GOLM1: variants seen among roughly 807,000 people sequenced by gnomAD.
GOLM1 encodes the protein golgi membrane protein 1.
In GOLM1, 31 loss-of-function variants were observed where a neutral mutation model predicts 50.5. The observed-to-expected ratio is 0.61, with a 90% CI of 0.46 to 0.83. The LOEUF is 0.83. GOLM1 is among the 40% of genes least tolerant of loss of function. The pLI is 0.00. For missense variants in GOLM1, 491 were observed against 501.3 expected (o/e 0.98, Z 0.20); for synonymous variants, 178 against 192.8 (o/e 0.92, Z 0.64).
At position 86,051,103 on chromosome 9, in the gene GOLM1, G is replaced by C. The variant is rs189044683; in HGVS notation, c.364+1434C>G. ...GATTTCAAATAACATCCTTATTTCT[G>C]CCTTCATTTAGTTATGTACCCAGTA... On this transcript the variant is annotated intron_variant, in intron 4 of 9. Transcript: ENST00000388712. Among the ~76,000 whole-genome samples the C allele has an allele frequency of 5.1e-3, 769 of 152,038 alleles. 6 individuals are homozygous for C. The highest frequency in any genetic ancestry group is 7.1e-3 in the Non-Finnish European group (485 of 67,854).
At chr9:86,038,543 T>A (rs1047568355) in intron 6 of GOLM1, among the ~76,000 whole-genome samples, 2 of 151,850 alleles carry the variant, frequency 1.3e-5, no homozygotes, top group African/African-American at 4.8e-5. Context: ...CCCACTGGGG[T>A]AGGGAGTGGG....
rs796687010 is a variant in GOLM1 at position 86,088,584 on chromosome 9, T to TG, written c.-21-9244_-21-9243insC. ...AACTCCTGGTTTTGTTTTTTTTTTT[T>TG]TTTTGTTTTGTTTTTTTGCTTTCCG... On this transcript the variant is annotated intron_variant, in intron 1 of 9. Transcript: ENST00000388712. 5.2e-3 allele frequency among the ~76,000 whole-genome samples: 713 copies of TG among 136,154 alleles called. 25 individuals carry two copies. Among genetic ancestry groups the TG allele is most frequent in the African/African-American group, 0.017 (644 of 38,294 alleles). 89.3% of individuals were successfully genotyped at this position (136,154 alleles called of 152,430 possible).
In GOLM1 at chr9:86,079,336, G is replaced by C. The variant is rs1180504530; in HGVS notation, c.-16C>G. 6.4e-7 allele frequency: 1 copy of C among 1,572,020 alleles called. No individual in the cohort carries two copies. Among genetic ancestry groups the C allele is most frequent in the Admixed American group, 2.0e-5 (1 of 50,464 alleles). ...AGCCCATCATCTCAAAATCAGCGCT[G>C]AGAATCTGCCAAGTAAAAGCAAATA... On this transcript the variant is annotated 5_prime_UTR_variant, in exon 2 of 10. Transcript: ENST00000388712.
intron 1 of GOLM1, among the ~76,000 whole-genome samples, chr9:86,083,201 G>A (rs752286448): frequency 2.0e-5 from 3 of 152,136 alleles, no homozygotes; most frequent in Non-Finnish European, 4.4e-5. Context: ...ATATAAAATG[G>A]CATACTATGT....
At chr9:86,062,953 C>T (rs543777786) in intron 3 of GOLM1, among the ~76,000 whole-genome samples, 10 of 152,316 alleles carry the variant, frequency 6.6e-5, no homozygotes, top group African/African-American at 9.6e-5. Flanking sequence ...AAGGTCTCCT[C>T]ATCACCCAGC....
At chr9:86,093,334 G>A (rs1050183691) in intron 1 of GOLM1, among the ~76,000 whole-genome samples, 2 of 144,630 alleles carry the variant, frequency 1.4e-5, no homozygotes, top group South Asian at 2.2e-4. Context: ...CCAAGATTGC[G>A]CCACTCACTC....
At chr9:86,050,884 G>T (rs1833725065) in intron 4 of GOLM1, among the ~76,000 whole-genome samples, 1 of 152,074 alleles carries the variant, frequency 6.6e-6, no homozygotes, top group Admixed American at 6.6e-5. Flanking sequence ...TCTGATCTTA[G>T]CTATTTCTTG....
At chr9:86,045,297 G>C (rs889463028) in intron 5 of GOLM1, among the ~76,000 whole-genome samples, 24 of 152,090 alleles carry the variant, frequency 1.6e-4, no homozygotes, top group Admixed American at 5.2e-4. Flanking sequence ...GTTGCAGTGA[G>C]CTGAGATTGC....
rs148556826 is a variant in GOLM1, at chr9:86,040,808, C to T, written c.528G>A (p.Glu176=). 6.7e-5 allele frequency: 108 copies of T among 1,613,522 alleles called. No homozygotes were observed. In the African/African-American group the frequency reaches 1.2e-3, roughly 19 times the overall value. The change falls in exon 6 of 10, where the codon GAG becomes GAA. Residue 176 remains glutamate (E), a synonymous_variant. Coordinates refer to ENST00000388712, the MANE Select transcript of GOLM1 (RefSeq NM_016548.4). Reference sequence around the variant, plus strand: ...CAGCTTCATTCCCCTTTTTGGTGACCTCTTCTATTCGCTCCTCACACTGTT... The same window carrying T: ...CAGCTTCATTCCCCTTTTTGGTGACTTCTTCTATTCGCTCCTCACACTGTT... ...VKEQCEERIE[E]VTKKGNEAVA...
Position 86,027,602 on chromosome 9 carries a change from A to T in GOLM1, c.*215T>A. The T allele has an allele frequency of 7.6e-7, 1 of 1,316,180 alleles. No individual in the cohort carries two copies. Among genetic ancestry groups the T allele is most frequent in the Non-Finnish European group, 9.7e-7 (1 of 1,036,254 alleles). 81.5% of individuals were successfully genotyped at this position (1,316,180 alleles called of 1,614,324 possible). A position where few individuals can be genotyped will look rare whatever the true frequency, so the allele number is the denominator to read the frequency against. ...GAAATACCTACTACCAAAAATTGTG[A>T]CACCTTATTAGACACTTCCAAAGTA... On this transcript the variant is annotated 3_prime_UTR_variant, in exon 10 of 10. Coordinates refer to ENST00000388712, the MANE Select transcript of GOLM1 (RefSeq NM_016548.4).
At position 86,046,580 on chromosome 9, in the gene GOLM1, A is replaced by C; in HGVS notation, c.365-8T>G. The C allele has an allele frequency of 6.4e-7, 1 of 1,566,998 alleles. No homozygotes were observed. The highest frequency in any genetic ancestry group is 8.8e-7 in the Non-Finnish European group (1 of 1,140,032). ...GCAGGGTCTTTAACTGGTCTACACC[A>C]AGGGGACAAGGAATTGCACAGGTCA... On this transcript the variant is annotated splice_region_variant and splice_polypyrimidine_tract_variant and intron_variant, in intron 4 of 9. Transcript: ENST00000388712.
In GOLM1 at chr9:86,027,758, A is replaced by G. The variant is rs1832830505; in HGVS notation, c.*59T>C. The G allele has an allele frequency of 6.3e-7, 1 of 1,582,906 alleles. No individual in the cohort carries two copies. Among genetic ancestry groups the G allele is most frequent in the Non-Finnish European group, 8.6e-7 (1 of 1,165,950 alleles). On this transcript the variant is annotated 3_prime_UTR_variant, in exon 10 of 10. Coordinates refer to ENST00000388712, the MANE Select transcript of GOLM1 (RefSeq NM_016548.4). ...CACAGTTTTCAGTATTCAGTCCCTC[A>G]TGAACATTTTATAGTCATCTCTTCG...
At chr9:86,082,532 CT>C (rs986836294) in intron 1 of GOLM1, among the ~76,000 whole-genome samples, 3 of 151,888 alleles carry the variant, frequency 2.0e-5, no homozygotes, top group African/African-American at 7.3e-5. Flanking sequence ...CCCCAACTTC[CT>C]GGGCTCAAGT....
chr9:86,072,576 A>G (rs1834479497), intron 3 of GOLM1, among the ~76,000 whole-genome samples: 1 of 152,258 alleles, frequency 6.6e-6, no homozygotes, highest in African/African-American at 2.4e-5. Flanking sequence ...ACAGCTTTGA[A>G]AAATGTTCAA....
intron 6 of GOLM1, chr9:86,036,725 A>G (rs947699793): frequency 1.7e-6 from 1 of 572,082 alleles, no homozygotes; most frequent in African/African-American, 1.9e-5. Flanking sequence ...AGTACTGTCA[A>G]TACAGAATAA....
At chr9:86,095,665 G>C (rs916521923) in intron 1 of GOLM1, among the ~76,000 whole-genome samples, 1 of 152,226 alleles carries the variant, frequency 6.6e-6, no homozygotes, top group Admixed American at 6.5e-5. Flanking sequence ...GATTATGCGC[G>C]CGTGGGAAAG....
chr9:86,056,472 G>A (rs866578247), intron 3 of GOLM1, among the ~76,000 whole-genome samples: 2 of 150,256 alleles, frequency 1.3e-5, no homozygotes, highest in African/African-American at 4.9e-5. Flanking sequence ...CCCTGAGTTC[G>A]ACAAAATGAT....
At chr9:86,030,239 AAAAG>A (rs1266137726) in intron 9 of GOLM1, among the ~76,000 whole-genome samples, 1 of 151,530 alleles carries the variant, frequency 6.6e-6, no homozygotes, top group Non-Finnish European at 1.5e-5. Flanking sequence ...AAAAAAAAAA[AAAAG>A]AATAGAAGTA....
chr9:86,065,038 C>T (rs1188929520), intron 3 of GOLM1, among the ~76,000 whole-genome samples: 1 of 152,194 alleles, frequency 6.6e-6, no homozygotes, highest in Admixed American at 6.5e-5. Flanking sequence ...GACTCTGGGC[C>T]TGCACTGCAG....
Sources: gnomAD v4.1 joint callset for allele counts (sites outside exome capture counted in the v4.1 genomes callset) on GRCh38, gnomAD v4.1.1 for gene constraint, MANE v1.5 for transcripts, NCBI Gene and HGNC (gene_info 2026-07-23, HGNC 2026-07-21) for gene names.